The following PXDNL variants were observed in gnomAD, a reference collection of about 807,000 sequenced individuals.
PXDNL encodes the protein peroxidasin like.
PXDNL carries 145 observed loss-of-function variants against 150.8 expected under a neutral mutation model. The observed-to-expected ratio is 0.96, with a 90% confidence interval of 0.84 to 1.10. The LOEUF is 1.10. Ranked by LOEUF, PXDNL falls within the 50% of genes least tolerant of loss-of-function variation. PXDNL has a pLI of 0.00. For missense variants in PXDNL, 2,087 were observed against 1,873.9 expected (o/e 1.11, Z -2.10); for synonymous variants, 757 against 725.7 (o/e 1.04, Z -0.69).
chr8:51,474,210 T>A (rs1341749114), intron 7 of PXDNL, among the ~76,000 whole-genome samples: 1 of 151,942 alleles, frequency 6.6e-6, no homozygotes, highest in Non-Finnish European at 1.5e-5. Flanking sequence ...GTCATGTGAG[T>A]GAATCTCCAA....
At chr8:51,523,325 C>CTGTAAACT (rs1811700233) in intron 4 of PXDNL, among the ~76,000 whole-genome samples, 1 of 152,208 alleles carries the variant, frequency 6.6e-6, no homozygotes, top group Non-Finnish European at 1.5e-5. Flanking sequence ...GTAATAACAG[C>CTGTAAACT]TGTAAACTAC....
intron 17 of PXDNL, among the ~76,000 whole-genome samples, chr8:51,388,984 CAG>C (rs755984294): frequency 4.6e-5 from 7 of 152,176 alleles, no homozygotes; most frequent in Non-Finnish European, 8.8e-5. Flanking sequence ...GTTAAATGCA[CAG>C]AGTCTCTCCT....
chr8:51,555,074 T>C (rs965639981), intron 4 of PXDNL, among the ~76,000 whole-genome samples: 2 of 152,112 alleles, frequency 1.3e-5, no homozygotes, highest in Non-Finnish European at 2.9e-5. Context: ...TATAACAGAG[T>C]ACCACAGATG....
At chr8:51,410,923 TC>T (rs1489441879) in intron 16 of PXDNL, among the ~76,000 whole-genome samples, 1 of 152,122 alleles carries the variant, frequency 6.6e-6, no homozygotes, top group Non-Finnish European at 1.5e-5. Context: ...TGGAAGAATA[TC>T]CCCCTGGTAA....
chr8:51,503,704 A>C (rs1811231535), intron 4 of PXDNL, among the ~76,000 whole-genome samples: 1 of 152,200 alleles, frequency 6.6e-6, no homozygotes, highest in African/African-American at 2.4e-5. Context: ...ATTACTAGTT[A>C]TCCCTTTATT....
chr8:51,336,009 G>C (rs1436064540), intron 21 of PXDNL, among the ~76,000 whole-genome samples: 1 of 152,136 alleles, frequency 6.6e-6, no homozygotes, highest in Non-Finnish European at 1.5e-5. Context: ...TCAACAGTGT[G>C]AAATGTCAAG....
intron 4 of PXDNL, among the ~76,000 whole-genome samples, chr8:51,510,659 A>G (rs1185013804): frequency 6.6e-6 from 1 of 152,134 alleles, no homozygotes; most frequent in East Asian, 1.9e-4. Context: ...ATGACCTAAG[A>G]AGCCCAGGAG....
intron 2 of PXDNL, among the ~76,000 whole-genome samples, chr8:51,646,285 A>G (rs1471272843): frequency 6.6e-6 from 1 of 152,136 alleles, no homozygotes; most frequent in Non-Finnish European, 1.5e-5. Flanking sequence ...CACCAAGGAG[A>G]GAAGCCTCGG....
chr8:51,665,910 C>T (rs1329117051), intron 1 of PXDNL, among the ~76,000 whole-genome samples: 1 of 152,188 alleles, frequency 6.6e-6, no homozygotes, highest in East Asian at 1.9e-4. Flanking sequence ...CTGCAATAGT[C>T]TGGAACTGTC....
At chr8:51,584,586 G>A (rs35450297) in intron 3 of PXDNL, among the ~76,000 whole-genome samples, 3,538 of 152,198 alleles carry the variant, frequency 0.023, 66 homozygotes, top group Admixed American at 0.051. Context: ...GTCATGCAGC[G>A]GGACGTATTT....
intron 4 of PXDNL, among the ~76,000 whole-genome samples, chr8:51,517,707 C>G (rs1490408248): frequency 6.6e-6 from 1 of 152,138 alleles, no homozygotes; most frequent in African/African-American, 2.4e-5. Context: ...TGTTCTTTTT[C>G]CTAACTGGTG....
chr8:51,415,726 A>G (rs1183713121), intron 14 of PXDNL, among the ~76,000 whole-genome samples: 5 of 152,218 alleles, frequency 3.3e-5, no homozygotes, highest in African/African-American at 9.7e-5. Context: ...TAAGGTAAAA[A>G]TTCGAAAACT....
At chr8:51,520,059 G>A (rs562377070) in intron 4 of PXDNL, among the ~76,000 whole-genome samples, 1 of 152,296 alleles carries the variant, frequency 6.6e-6, no homozygotes, top group African/African-American at 2.4e-5. Context: ...GTGGGTATCT[G>A]CCGGCTTTTC....
chr8:51,664,559 T>A (rs1253316420), intron 1 of PXDNL, among the ~76,000 whole-genome samples: 3 of 152,178 alleles, frequency 2.0e-5, no homozygotes, highest in Non-Finnish European at 4.4e-5. Context: ...AAACACAGCA[T>A]GAAGACAGAA....
At chr8:51,582,803 C>T (rs2130630944) in intron 3 of PXDNL, among the ~76,000 whole-genome samples, 1 of 151,942 alleles carries the variant, frequency 6.6e-6, no homozygotes, top group Non-Finnish European at 1.5e-5. Context: ...CTAGAATGAC[C>T]ACATGCTTGA....
At chr8:51,553,102 C>G (rs1202973686) in intron 4 of PXDNL, among the ~76,000 whole-genome samples, 1 of 152,258 alleles carries the variant, frequency 6.6e-6, no homozygotes. Flanking sequence ...CTAAGGCTCT[C>G]GAATTATCTT....
intron 3 of PXDNL, among the ~76,000 whole-genome samples, chr8:51,590,129 C>T (rs1813411407): frequency 6.6e-6 from 1 of 152,130 alleles, no homozygotes; most frequent in Admixed American, 6.5e-5. Context: ...ATGACTCAGC[C>T]AACCCCACCT....
intron 21 of PXDNL, among the ~76,000 whole-genome samples, chr8:51,338,317 C>A (rs548020778): frequency 6.6e-6 from 1 of 152,270 alleles, no homozygotes; most frequent in African/African-American, 2.4e-5. Flanking sequence ...GTGAGCCTCT[C>A]AGGGAAGCAT....
chr8:51,797,618 G>A (rs1290664478), intron 1 of PXDNL, among the ~76,000 whole-genome samples: 1 of 152,096 alleles, frequency 6.6e-6, no homozygotes, highest in African/African-American at 2.4e-5. Context: ...AACTTACAAG[G>A]TACGTGAATG....
Sources: gnomAD v4.1 joint callset for allele counts (sites outside exome capture counted in the v4.1 genomes callset) on GRCh38, gnomAD v4.1.1 for gene constraint, MANE v1.5 for transcripts, NCBI Gene and HGNC (gene_info 2026-07-23, HGNC 2026-07-21) for gene names.